The following SARNP variants were observed in gnomAD, a reference collection of about 807,000 sequenced individuals.
SARNP encodes SAP domain containing ribonucleoprotein.
A neutral mutation model predicts 38.1 loss-of-function variants in SARNP; 5 were observed. That is an observed-to-expected ratio of 0.13 (90% confidence interval 0.07 to 0.28). The LOEUF (loss-of-function observed/expected upper bound fraction) is 0.28. SARNP is among the 10% of genes least tolerant of loss of function. The pLI is 1.00. For missense variants in SARNP, 180 were observed against 243.9 expected (o/e 0.74, Z 1.75); for synonymous variants, 84 against 80.6 (o/e 1.04, Z -0.23).
chr12:55,752,761 G>A (rs1159261011), downstream of SARNP: 1 of 152,120 alleles, frequency 6.6e-6, no homozygotes, highest in Non-Finnish European at 1.5e-5. Context: ...CAGTTTTCAA[G>A]TTATGTGACA....
At chr12:55,758,366 G>A (rs2136174389) in intron 10 of SARNP, among the ~76,000 whole-genome samples, 1 of 152,260 alleles carries the variant, frequency 6.6e-6, no homozygotes, top group African/African-American at 2.4e-5. Context: ...CTTTTCATAG[G>A]CCAGGCATGG....
chr12:55,755,168 C>T (rs1878466621), downstream of SARNP: 1 of 152,068 alleles, frequency 6.6e-6, no homozygotes, highest in South Asian at 2.1e-4. Flanking sequence ...AAAAGTTATC[C>T]TCCCTTAAGT....
intron 9 of SARNP, among the ~76,000 whole-genome samples, chr12:55,769,964 G>T (rs1193055348): frequency 6.6e-6 from 1 of 152,162 alleles, no homozygotes; most frequent in East Asian, 1.9e-4. Flanking sequence ...CCATTGTAAG[G>T]AGAGGAGTAT....
chr12:55,799,802 T>C lies in SARNP; in HGVS notation c.251+760A>G, dbSNP rs569703278. Reference sequence around the variant, plus strand: ...CTCCTGACCTCGTAATCCACCCACCTCGGCCTCCCAAAGTGCTGGGATTAC... The same window carrying C: ...CTCCTGACCTCGTAATCCACCCACCCCGGCCTCCCAAAGTGCTGGGATTAC... On this transcript the variant is annotated intron_variant, in intron 4 of 10. Transcript: ENST00000336133. Among the ~76,000 whole-genome samples the C allele has an allele frequency of 3.1e-3, 465 of 150,512 alleles. 4 individuals carry two copies. Among genetic ancestry groups the C allele is most frequent in the African/African-American group, 0.011 (438 of 41,144 alleles).
At chr12:55,796,639 G>C (rs1879828621) in intron 4 of SARNP, among the ~76,000 whole-genome samples, 1 of 152,112 alleles carries the variant, frequency 6.6e-6, no homozygotes, top group Admixed American at 6.6e-5. Context: ...CTGGCCTCAA[G>C]TGATCCACCC....
chr12:55,806,459 G>A (rs1020631569), intron 1 of SARNP, among the ~76,000 whole-genome samples: 8 of 151,854 alleles, frequency 5.3e-5, no homozygotes, highest in Admixed American at 3.9e-4. Flanking sequence ...ATTTTTACTA[G>A]AAGCAGGGTT....
chr12:55,758,628 G>C (rs1878584892), intron 10 of SARNP, among the ~76,000 whole-genome samples: 1 of 151,858 alleles, frequency 6.6e-6, no homozygotes, highest in South Asian at 2.1e-4. Flanking sequence ...CTGGACGACA[G>C]AGCGAGACTC....
chr12:55,753,824 G>A (rs183215591), downstream of SARNP: 1 of 149,454 alleles, frequency 6.7e-6, no homozygotes, highest in African/African-American at 2.5e-5. Flanking sequence ...GTGTGCTCCT[G>A]TAGTTCCAGC....
intron 8 of SARNP, among the ~76,000 whole-genome samples, chr12:55,789,943 C>CA (rs1158181574): frequency 0.031 from 1,425 of 45,488 alleles, 22 homozygotes; most frequent in East Asian, 0.072. Flanking sequence ...AACTCCGTCT[C>CA]AAAAAAAAAA....
intron 7 of SARNP, among the ~76,000 whole-genome samples, chr12:55,791,099 C>A (rs530838792): frequency 6.6e-6 from 1 of 152,240 alleles, no homozygotes; most frequent in South Asian, 2.1e-4. Context: ...AAAGACAATA[C>A]ACTATACGCA....
At chr12:55,804,353 T>C (rs151095126) in intron 1 of SARNP, among the ~76,000 whole-genome samples, 89 of 147,990 alleles carry the variant, frequency 6.0e-4, no homozygotes, top group African/African-American at 2.2e-3. Context: ...TTACAGACAA[T>C]AGGAGGAAGG....
chr12:55,770,601 C>CAAAAGGAAGTAAGTTG (rs1878979327), intron 9 of SARNP, among the ~76,000 whole-genome samples: 6 of 151,918 alleles, frequency 3.9e-5, no homozygotes, highest in Non-Finnish European at 7.4e-5. Flanking sequence ...TATACTGTAG[C>CAAAAGGAAGTAAGTTG]CAGGAAGTAA....
chr12:55,761,241 G>T (rs1878667196), intron 9 of SARNP, among the ~76,000 whole-genome samples: 1 of 151,876 alleles, frequency 6.6e-6, no homozygotes, highest in South Asian at 2.1e-4. Context: ...CTATGCTCAA[G>T]CAATTCTGGC....
intron 4 of SARNP, among the ~76,000 whole-genome samples, chr12:55,797,037 A>T (rs554176557): frequency 6.6e-6 from 1 of 152,304 alleles, no homozygotes; most frequent in South Asian, 2.1e-4. Context: ...ATGGAAGGGC[A>T]TTAACCCTCC....
chr12:55,802,769 G>A (rs949848711), intron 2 of SARNP, among the ~76,000 whole-genome samples: 8 of 151,008 alleles, frequency 5.3e-5, no homozygotes, highest in Non-Finnish European at 1.2e-4. Context: ...ACTATAAGTA[G>A]TATCACTTAT....
chr12:55,810,843 G>A (rs533674754), intron 1 of SARNP, among the ~76,000 whole-genome samples: 4 of 151,780 alleles, frequency 2.6e-5, no homozygotes, highest in Non-Finnish European at 2.9e-5. Flanking sequence ...TTGGGAGTCC[G>A]AGGCGGGCGG....
At position 55,759,805 on chromosome 12, in the gene SARNP, C is replaced by G. The variant is rs953778927; in HGVS notation, c.591+746G>C. Among the ~76,000 whole-genome samples the G allele has an allele frequency of 3.3e-5, 5 of 152,132 alleles. No individual in the cohort carries two copies. In the East Asian group the frequency reaches 9.7e-4, roughly 29 times the overall value. ...CAGGCTGGAGTACAGTGGCGCCATC[C>G]AGGTTCACTGCAGCCTTGACCTCCT... On this transcript the variant is annotated intron_variant, in intron 10 of 10. Transcript: ENST00000336133.
At chr12:55,778,219 T>C (rs1034558170) in intron 9 of SARNP, among the ~76,000 whole-genome samples, 9 of 152,084 alleles carry the variant, frequency 5.9e-5, no homozygotes, top group African/African-American at 2.2e-4. Flanking sequence ...TGATCTCAGC[T>C]TACTGAGACC....
chr12:55,767,274 G>T (rs1418766578), intron 9 of SARNP, among the ~76,000 whole-genome samples: 5 of 152,082 alleles, frequency 3.3e-5, no homozygotes, highest in Admixed American at 3.3e-4. Context: ...GCCTAGTGTG[G>T]TGGTTCACAC....
Sources: gnomAD v4.1 joint callset for allele counts (sites outside exome capture counted in the v4.1 genomes callset) on GRCh38, gnomAD v4.1.1 for gene constraint, MANE v1.5 for transcripts, NCBI Gene and HGNC (gene_info 2026-07-23, HGNC 2026-07-21) for gene names.